The following DPYD variants were observed in gnomAD, a reference collection of about 807,000 sequenced individuals.
DPYD encodes the protein dihydropyrimidine dehydrogenase.
In DPYD, 109 loss-of-function variants were observed where a neutral mutation model predicts 116.2. The ratio of observed to expected loss-of-function variants is 0.94; its 90% confidence interval spans 0.80 to 1.10. The LOEUF (loss-of-function observed/expected upper bound fraction) is 1.10. DPYD is among the 50% of genes least tolerant of loss of function. The pLI is 0.00. For synonymous variants in DPYD, 440 were observed against 432.0 expected, an observed-to-expected ratio of 1.02 and a Z score of -0.23; for missense variants, 1,302 against 1,254.5, an observed-to-expected ratio of 1.04 and a Z score of -0.57.
intron 12 of DPYD, among the ~76,000 whole-genome samples, chr1:97,537,882 CT>C: frequency 6.6e-6 from 1 of 152,136 alleles, no homozygotes; most frequent in East Asian, 1.9e-4. Context: ...ACTAAAATCA[CT>C]TTTTAAAAGT....
At chr1:97,516,541 C>CGGG (rs1648249071) in intron 12 of DPYD, among the ~76,000 whole-genome samples, 2 of 151,886 alleles carry the variant, frequency 1.3e-5, no homozygotes, top group African/African-American at 4.8e-5. Context: ...TCATGCATTA[C>CGGG]GGGGGTTTGT....
chr1:97,105,705 C>T (rs909542663), intron 20 of DPYD, among the ~76,000 whole-genome samples: 5 of 152,012 alleles, frequency 3.3e-5, no homozygotes, highest in East Asian at 1.9e-4. Flanking sequence ...GGCTTACATA[C>T]GTCATTGTAA....
intron 13 of DPYD, among the ~76,000 whole-genome samples, chr1:97,468,312 T>C (rs1677442781): frequency 6.6e-6 from 1 of 152,248 alleles, no homozygotes; most frequent in African/African-American, 2.4e-5. Flanking sequence ...TCAAAATTCA[T>C]ATTTTAAAAT....
rs538419979 is a variant in DPYD at position 97,584,929 on chromosome 1, C to T, written c.1128+8289G>A. 9.0e-5 allele frequency among the ~76,000 whole-genome samples: 11 copies of T among 122,046 alleles called. No homozygotes were observed. The East Asian group carries it at 1.1e-3, about 13-fold the overall frequency. The allele number at this position is 122,046 out of a possible 152,430, so 80.1% of individuals were successfully genotyped here. A position where few individuals can be genotyped will look rare whatever the true frequency, so the allele number is the denominator to read the frequency against. ...CAAACCTGCACGTTGTGCACATGTA[C>T]CCTAAAACTTAAAGTATAATAATAA... On this transcript the variant is annotated intron_variant, in intron 10 of 22. Transcript: ENST00000370192.
intron 14 of DPYD, among the ~76,000 whole-genome samples, chr1:97,385,045 T>C (rs1672245709): frequency 1.3e-5 from 2 of 151,840 alleles, no homozygotes. Context: ...GCCTTTTCCC[T>C]AGGGGCTAAA....
At chr1:97,662,428 C>T (rs897156811) in intron 8 of DPYD, among the ~76,000 whole-genome samples, 3 of 151,388 alleles carry the variant, frequency 2.0e-5, no homozygotes, top group Admixed American at 6.6e-5. Context: ...GTCCAGAGAT[C>T]GAGACCATCC....
At chr1:97,558,399 ATTCT>A (rs1651902570) in intron 11 of DPYD, among the ~76,000 whole-genome samples, 1 of 152,090 alleles carries the variant, frequency 6.6e-6, no homozygotes. Flanking sequence ...CATTCATATT[ATTCT>A]GTCTTAGTTA....
At chr1:97,739,543 T>C (rs1387773195) in intron 4 of DPYD, among the ~76,000 whole-genome samples, 1 of 152,122 alleles carries the variant, frequency 6.6e-6, no homozygotes, top group African/African-American at 2.4e-5. Context: ...TCTAAGTACT[T>C]GAAATATTAA....
At chr1:97,297,566 T>C (rs748526816) in intron 18 of DPYD, among the ~76,000 whole-genome samples, 1 of 152,172 alleles carries the variant, frequency 6.6e-6, no homozygotes. Flanking sequence ...GGACACTGCA[T>C]TGAAATAGCA....
chr1:97,456,578 G>A (rs1030228907), intron 13 of DPYD, among the ~76,000 whole-genome samples: 4 of 151,990 alleles, frequency 2.6e-5, no homozygotes, highest in South Asian at 2.1e-4. Flanking sequence ...AGGCCCTAAC[G>A]GGCTTAAGCT....
chr1:97,288,037 T>C (rs1285196421), intron 18 of DPYD, among the ~76,000 whole-genome samples: 3 of 150,346 alleles, frequency 2.0e-5, no homozygotes, highest in African/African-American at 7.4e-5. Context: ...GTTGCAATCC[T>C]ACTCTCTGAT....
chr1:97,456,258 A>C (rs1676679086), intron 13 of DPYD, among the ~76,000 whole-genome samples: 1 of 152,008 alleles, frequency 6.6e-6, no homozygotes, highest in Admixed American at 6.6e-5. Flanking sequence ...CAAGAAAAAC[A>C]AATCAACTTG....
At chr1:97,786,695 G>A (rs1019848856) in intron 3 of DPYD, among the ~76,000 whole-genome samples, 2 of 152,216 alleles carry the variant, frequency 1.3e-5, no homozygotes, top group South Asian at 4.1e-4. Context: ...AGGCTGAAGA[G>A]TGTGATTTCT....
At chr1:97,510,109 A>G (rs1212242850) in intron 13 of DPYD, among the ~76,000 whole-genome samples, 1 of 151,682 alleles carries the variant, frequency 6.6e-6, no homozygotes, top group Non-Finnish European at 1.5e-5. Context: ...AAACAAACAA[A>G]CAACAACAAA....
intron 11 of DPYD, among the ~76,000 whole-genome samples, chr1:97,567,812 A>G (rs1229020502): frequency 6.6e-6 from 1 of 152,152 alleles, no homozygotes; most frequent in Non-Finnish European, 1.5e-5. Context: ...GGAAGAACAA[A>G]AGTCATTTAA....
chr1:97,748,320 A>G (rs1664672161), intron 3 of DPYD, among the ~76,000 whole-genome samples: 1 of 152,104 alleles, frequency 6.6e-6, no homozygotes, highest in Non-Finnish European at 1.5e-5. Flanking sequence ...GACAAAGAGT[A>G]TAATTTGGCC....
intron 10 of DPYD, among the ~76,000 whole-genome samples, chr1:97,587,747 C>T (rs1181697008): frequency 1.3e-5 from 2 of 150,784 alleles, no homozygotes; most frequent in African/African-American, 2.4e-5. Context: ...TGGCGTGAAC[C>T]CGGGAGGCAG....
At chr1:97,228,898 A>G (rs1258623293) in intron 19 of DPYD, among the ~76,000 whole-genome samples, 1 of 152,102 alleles carries the variant, frequency 6.6e-6, no homozygotes, top group Non-Finnish European at 1.5e-5. Flanking sequence ...AACTAACTGC[A>G]AGAAAGAATT....
chr1:97,411,442 C>T lies in DPYD; in HGVS notation c.1906-28981G>A, dbSNP rs151231866. ...CTTTCTGTACAAGAAGGTATTTCCA[C>T]GTTTGAATTCACGAGCTTCCACCTC... is the stretch of plus-strand genomic sequence containing the variant. On this transcript the variant is annotated intron_variant, in intron 14 of 22. Coordinates refer to ENST00000370192, the MANE Select transcript of DPYD (RefSeq NM_000110.4). 2.1e-3 allele frequency among the ~76,000 whole-genome samples: 314 copies of T among 152,082 alleles called. 3 individuals carry two copies. Among genetic ancestry groups the T allele is most frequent in the Non-Finnish European group, 3.5e-3 (239 of 67,998 alleles).
Sources: allele counts gnomAD v4.1 joint callset (sites outside exome capture counted in the v4.1 genomes callset), GRCh38; gene constraint gnomAD v4.1.1; transcripts MANE v1.5; gene names NCBI Gene and HGNC (gene_info 2026-07-23, HGNC 2026-07-21).